Variants in GRM8 observed in about 807,000 individuals in gnomAD.
The protein encoded by GRM8 is glutamate metabotropic receptor 8, also known as metabotropic glutamate receptor 8.
GRM8 carries 47 observed loss-of-function variants against 87.2 expected under a neutral mutation model. That is an observed-to-expected ratio of 0.54 (90% CI 0.43 to 0.69). The LOEUF is 0.69. Among genes scored for constraint, GRM8 ranks in the 30% least tolerant of loss-of-function variants. The pLI, the probability that GRM8 is intolerant of heterozygous loss-of-function variation, is 0.00. For synonymous variants in GRM8, 396 were observed against 404.5 expected (o/e 0.98, Z 0.25); for missense variants, 1,019 against 1,139.2 (o/e 0.89, Z 1.52).
intron 6 of GRM8, among the ~76,000 whole-genome samples, chr7:126,858,170 A>G (rs1797849459): frequency 1.3e-5 from 2 of 152,114 alleles, no homozygotes; most frequent in African/African-American, 4.8e-5. Flanking sequence ...TCTGAGATAT[A>G]CATTTGGAAG....
intron 8 of GRM8, among the ~76,000 whole-genome samples, chr7:126,597,474 T>A (rs949302382): frequency 6.6e-6 from 1 of 152,116 alleles, no homozygotes; most frequent in Non-Finnish European, 1.5e-5. Flanking sequence ...ATAAAATGAC[T>A]TTTTACCAGT....
At chr7:127,233,487 A>G (rs6961760) in intron 2 of GRM8, among the ~76,000 whole-genome samples, 11,790 of 152,230 alleles carry the variant, frequency 0.077, 691 homozygotes, top group African/African-American at 0.16. Flanking sequence ...CTAACAAATA[A>G]AATTGCCACA....
At chr7:127,164,890 A>G (rs1793340622) in intron 2 of GRM8, among the ~76,000 whole-genome samples, 1 of 151,986 alleles carries the variant, frequency 6.6e-6, no homozygotes, top group Non-Finnish European at 1.5e-5. Flanking sequence ...CCTCAGTTTT[A>G]TCATCTGCAA....
chr7:126,987,763 T>G (rs2131916486), intron 3 of GRM8, among the ~76,000 whole-genome samples: 1 of 152,250 alleles, frequency 6.6e-6, no homozygotes, highest in Middle Eastern at 3.4e-3. Context: ...GCGCCCGGCC[T>G]TCTTGTTTAC....
chr7:127,104,835 A>C (rs1273105898), intron 3 of GRM8, among the ~76,000 whole-genome samples: 1 of 152,316 alleles, frequency 6.6e-6, no homozygotes, highest in East Asian at 1.9e-4. Context: ...AAAACTAAGT[A>C]TTTCTTATTT....
chr7:126,902,916 A>C (rs1802246565), intron 5 of GRM8, among the ~76,000 whole-genome samples: 1 of 152,118 alleles, frequency 6.6e-6, no homozygotes, highest in African/African-American at 2.4e-5. Flanking sequence ...CTCTATGAAT[A>C]AGTACAACAG....
At chr7:126,904,863 G>A (rs1433597918) in intron 3 of GRM8, among the ~76,000 whole-genome samples, 180 bp from the exon 4 acceptor site, 1 of 152,142 alleles carries the variant, frequency 6.6e-6, no homozygotes, top group East Asian at 1.9e-4. Context: ...CCAAATAAAT[G>A]ACAACAATTA....
rs183800705 is a variant in GRM8 at position 126,788,676 on chromosome 7, T to A, written c.1157-18611A>T. On this transcript the variant is annotated intron_variant, in intron 6 of 10. Transcript: ENST00000339582. ...AATGGACTCTATCATAACTTTATAG[T>A]TGAACATACAATTAGCAGCAAACCA... 2.5e-3 allele frequency among the ~76,000 whole-genome samples: 376 copies of A among 151,988 alleles called. 2 individuals are homozygous for A. The highest frequency in any genetic ancestry group is 8.1e-3 in the African/African-American group (338 of 41,500).
At chr7:126,439,831 T>TGTGTGTGC (rs1207649556) in intron 10 of GRM8, among the ~76,000 whole-genome samples, 3 of 151,080 alleles carry the variant, frequency 2.0e-5, no homozygotes, top group Non-Finnish European at 4.4e-5. Context: ...GGCTAGTGTG[T>TGTGTGTGC]GTGTGTGTGT....
chr7:126,529,382 T>C (rs985308806), intron 9 of GRM8, among the ~76,000 whole-genome samples: 1 of 152,128 alleles, frequency 6.6e-6, no homozygotes, highest in Admixed American at 6.6e-5. Flanking sequence ...AGACAGACAT[T>C]GCTTATTGTC....
chr7:127,149,696 C>T lies in GRM8; in HGVS notation c.511-42984G>A, dbSNP rs370560680. ...CTAATGGACAGATGGCTTAAGAAAC[C>T]GTGGTACAAATATACAATGGAATAT... On this transcript the variant is annotated intron_variant, in intron 2 of 10. Transcript: ENST00000339582. Among the ~76,000 whole-genome samples, 9 of 152,068 alleles carry T rather than the reference C, an allele frequency of 5.9e-5. No homozygotes were observed. In the East Asian group the frequency reaches 7.8e-4, roughly 13 times the overall value.
chr7:126,607,039 A>T (rs1798430007), intron 8 of GRM8, among the ~76,000 whole-genome samples: 1 of 152,258 alleles, frequency 6.6e-6, no homozygotes, highest in Non-Finnish European at 1.5e-5. Context: ...CATTAATAAA[A>T]GTCAGATAAA....
At chr7:126,863,634 G>A (rs1037643344) in intron 6 of GRM8, among the ~76,000 whole-genome samples, 8 of 152,214 alleles carry the variant, frequency 5.3e-5, no homozygotes, top group African/African-American at 1.4e-4. Flanking sequence ...GGATATTTGC[G>A]TTTTCAGAGC....
At chr7:126,863,454 T>C (rs1586235673) in intron 6 of GRM8, among the ~76,000 whole-genome samples, 1 of 152,134 alleles carries the variant, frequency 6.6e-6, no homozygotes, top group African/African-American at 2.4e-5. Flanking sequence ...GGTACTATGA[T>C]GATCAGTAAT....
chr7:126,770,412 G>C (rs1818713117), intron 6 of GRM8, among the ~76,000 whole-genome samples: 1 of 152,072 alleles, frequency 6.6e-6, no homozygotes, highest in African/African-American at 2.4e-5. Context: ...TGCAGTGTGT[G>C]ATTCTTGCCA....
At chr7:126,831,412 C>T (rs904230125) in intron 6 of GRM8, among the ~76,000 whole-genome samples, 3 of 152,288 alleles carry the variant, frequency 2.0e-5, no homozygotes, top group South Asian at 2.1e-4. Context: ...CAATGGCGGG[C>T]GCCCCTCCCC....
In GRM8 at chr7:126,533,842, A is replaced by G. The variant is rs1158161030; in HGVS notation, c.1540T>C (p.Ser514Pro). 2.5e-6 allele frequency: 4 copies of G among 1,613,876 alleles called. No homozygotes were observed. The Admixed American group carries it at 5.0e-5, about 20-fold the overall frequency. Reference sequence around the variant, plus strand: ...GGCTTACACGGCAGGCTGCAGACAGACGCCGGGTGAGTATGTTCTCTATGA... The same window carrying G: ...GGCTTACACGGCAGGCTGCAGACAGGCGCCGGGTGAGTATGTTCTCTATGA... Reference protein sequence around the residue: ...WAHREHTHPASVCSLPCKPGE... With the variant: ...WAHREHTHPAPVCSLPCKPGE... The change falls in exon 9 of 11, where the codon TCT becomes CCT. Residue 514 changes from serine (S) to proline (P), a missense_variant. Transcript: ENST00000339582.
chr7:126,890,212 A>G (rs1800865140), intron 6 of GRM8, among the ~76,000 whole-genome samples: 1 of 152,106 alleles, frequency 6.6e-6, no homozygotes, highest in Admixed American at 6.6e-5. Flanking sequence ...AGAAAGTTCT[A>G]TTAGATAGTG....
At chr7:126,767,018 G>A (rs2151595844) in intron 7 of GRM8, among the ~76,000 whole-genome samples, 1 of 152,252 alleles carries the variant, frequency 6.6e-6, no homozygotes, top group Non-Finnish European at 1.5e-5. Context: ...GACTCTTCAA[G>A]GTACTTCCGA....
Sources: allele counts gnomAD v4.1 joint callset (sites outside exome capture counted in the v4.1 genomes callset), GRCh38; gene constraint gnomAD v4.1.1; transcripts MANE v1.5; gene names NCBI Gene and HGNC (gene_info 2026-07-23, HGNC 2026-07-21).